The following DLG2 variants were observed in gnomAD, a reference collection of about 807,000 sequenced individuals.
The protein encoded by DLG2 is disks large homolog 2.
A neutral mutation model predicts 132.5 loss-of-function variants in DLG2; 45 were observed. The observed-to-expected ratio is 0.34, with a 90% CI of 0.27 to 0.44. DLG2 has a LOEUF of 0.44. Ranked by LOEUF, DLG2 falls within the 20% of genes least tolerant of loss-of-function variation. The probability of loss-of-function intolerance (pLI) is 1.00; values close to 1 mark genes in which losing one functional copy is unlikely to be tolerated. For missense variants in DLG2, 1,045 were observed against 1,196.9 expected (o/e 0.87, Z 1.87); for synonymous variants, 424 against 419.6 (o/e 1.01, Z -0.13).
At chr11:84,703,306 AG>A (rs1252597479) in intron 6 of DLG2, among the ~76,000 whole-genome samples, 3 of 151,588 alleles carry the variant, frequency 2.0e-5, no homozygotes, top group Non-Finnish European at 4.4e-5. Context: ...CTACTGTAGT[AG>A]GGTTTACTAA....
intron 7 of DLG2, among the ~76,000 whole-genome samples, chr11:84,499,112 A>C (rs1291399885): frequency 6.6e-6 from 1 of 152,202 alleles, no homozygotes; most frequent in East Asian, 1.9e-4. Flanking sequence ...TTCCAAACAT[A>C]ATTAAGTGGT....
At chr11:83,802,346 C>T (rs551193945) in intron 17 of DLG2, among the ~76,000 whole-genome samples, 1 of 152,222 alleles carries the variant, frequency 6.6e-6, no homozygotes, top group African/African-American at 2.4e-5. Context: ...TCTCAACTCA[C>T]CCACCAAATG....
intron 24 of DLG2, among the ~76,000 whole-genome samples, chr11:83,470,809 A>T (rs1011802017): frequency 1.3e-5 from 2 of 152,222 alleles, no homozygotes; most frequent in African/African-American, 4.8e-5. Context: ...GACACTTGAA[A>T]GCATCAGGCT....
chr11:84,726,122 T>G (rs1449920216), intron 6 of DLG2, among the ~76,000 whole-genome samples: 1 of 152,088 alleles, frequency 6.6e-6, no homozygotes, highest in Non-Finnish European at 1.5e-5. Context: ...GTAATTTATT[T>G]ATTATTATTA....
intron 15 of DLG2, among the ~76,000 whole-genome samples, chr11:83,927,721 G>A (rs904926386): frequency 1.3e-5 from 2 of 152,120 alleles, no homozygotes; most frequent in Non-Finnish European, 2.9e-5. Flanking sequence ...TGGTTGCACT[G>A]AGAATAAGCC....
At chr11:84,707,128 C>A (rs1459616188) in intron 6 of DLG2, among the ~76,000 whole-genome samples, 1 of 151,620 alleles carries the variant, frequency 6.6e-6, no homozygotes, top group African/African-American at 2.4e-5. Flanking sequence ...CTGGCAACAT[C>A]CAAAAATTGG....
At chr11:85,006,184 T>C (rs916083256) in intron 6 of DLG2, among the ~76,000 whole-genome samples, 8 of 152,202 alleles carry the variant, frequency 5.3e-5, no homozygotes, top group Non-Finnish European at 1.2e-4. Context: ...CCTGAAATTT[T>C]CGTTTTTTGT....
At chr11:83,591,478 G>T (rs1387498756) in intron 19 of DLG2, among the ~76,000 whole-genome samples, 1 of 84,618 alleles carries the variant, frequency 1.2e-5, no homozygotes, top group East Asian at 3.2e-4. Context: ...ATTAGGTATT[G>T]ATGGGACGTA....
At chr11:85,181,434 T>G (rs1286002268) in intron 4 of DLG2, among the ~76,000 whole-genome samples, 1 of 151,778 alleles carries the variant, frequency 6.6e-6, no homozygotes, top group African/African-American at 2.4e-5. Flanking sequence ...TTTTTAAGAA[T>G]TTTCCCTGTG....
At chr11:84,875,446 C>G (rs1003881945) in intron 6 of DLG2, among the ~76,000 whole-genome samples, 1 of 151,892 alleles carries the variant, frequency 6.6e-6, no homozygotes, top group African/African-American at 2.4e-5. Flanking sequence ...GACTAAACAG[C>G]CTATTAGGAG....
intron 3 of DLG2, among the ~76,000 whole-genome samples, chr11:85,451,177 G>T (rs1442366873): frequency 6.6e-6 from 1 of 151,948 alleles, no homozygotes; most frequent in Non-Finnish European, 1.5e-5. Context: ...ACTTATTATT[G>T]TCAAAAGTCT....
chr11:84,834,429 T>A (rs1275289391), intron 6 of DLG2, among the ~76,000 whole-genome samples: 3 of 151,672 alleles, frequency 2.0e-5, no homozygotes, highest in African/African-American at 7.2e-5. Context: ...TTCCCTAATG[T>A]TAAAAATTCC....
chr11:85,260,740 T>C (rs1390757743), intron 4 of DLG2, among the ~76,000 whole-genome samples: 1 of 152,188 alleles, frequency 6.6e-6, no homozygotes, highest in East Asian at 1.9e-4. Context: ...TGCCCTCACT[T>C]TTGTCTACAT....
At chr11:83,766,183 TC>T (rs2094136071) in intron 18 of DLG2, among the ~76,000 whole-genome samples, 1 of 150,766 alleles carries the variant, frequency 6.6e-6, no homozygotes, top group African/African-American at 2.4e-5. Flanking sequence ...AACCTCTGCC[TC>T]CCGAGTTCAA....
chr11:83,745,902 C>G (rs2092874699), intron 18 of DLG2, among the ~76,000 whole-genome samples: 1 of 152,094 alleles, frequency 6.6e-6, no homozygotes, highest in African/African-American at 2.4e-5. Context: ...ACAACTCCAT[C>G]AAAAAGTGGA....
At position 84,561,818 on chromosome 11, in the gene DLG2, A is replaced by T. The variant is rs2099429283; in HGVS notation, c.358-27087T>A. 2.0e-5 allele frequency among the ~76,000 whole-genome samples: 3 copies of T among 152,166 alleles called. No individual in the cohort carries two copies. In the South Asian group the frequency reaches 6.2e-4, roughly 32 times the overall value. ...AGACCATGAACCTTGTACACAATAC[A>T]TATTAATTTGAAGATTTAAAATTGA... On this transcript the variant is annotated intron_variant, in intron 6 of 27. Coordinates refer to ENST00000376104, the MANE Select transcript of DLG2 (RefSeq NM_001142699.3).
chr11:83,859,404 T>C (rs2061069634), intron 16 of DLG2, among the ~76,000 whole-genome samples: 2 of 152,216 alleles, frequency 1.3e-5, no homozygotes, highest in Non-Finnish European at 2.9e-5. Context: ...GGGGAACTTG[T>C]TGGGAACTGG....
intron 7 of DLG2, among the ~76,000 whole-genome samples, chr11:84,445,104 A>G (rs946279716): frequency 6.6e-5 from 10 of 152,118 alleles, no homozygotes; most frequent in Non-Finnish European, 1.5e-4. Context: ...GAGCCACTGC[A>G]CTTAGCCTAT....
chr11:85,055,665 T>A (rs1355725447), intron 6 of DLG2, among the ~76,000 whole-genome samples: 3 of 152,178 alleles, frequency 2.0e-5, no homozygotes, highest in African/African-American at 7.2e-5. Flanking sequence ...TGCTGTTTAT[T>A]TTTCTCAAAG....
Sources: gnomAD v4.1 joint callset for allele counts (sites outside exome capture counted in the v4.1 genomes callset) on GRCh38, gnomAD v4.1.1 for gene constraint, MANE v1.5 for transcripts, NCBI Gene and HGNC (gene_info 2026-07-23, HGNC 2026-07-21) for gene names.